SULT4A1: variants seen among roughly 807,000 people sequenced by gnomAD.
SULT4A1 encodes sulfotransferase family 4A member 1, also known as sulfotransferase 4A1.
Under a neutral mutation model 35.2 loss-of-function variants are expected in SULT4A1, and 11 were observed. The observed-to-expected ratio is 0.31, with a 90% CI of 0.20 to 0.52. The LOEUF (loss-of-function observed/expected upper bound fraction) is 0.52. Ranked by LOEUF, SULT4A1 falls within the 20% of genes least tolerant of loss-of-function variation. The probability of loss-of-function intolerance (pLI) is 0.97; values close to 1 mark genes in which losing one functional copy is unlikely to be tolerated. For missense variants in SULT4A1, 271 were observed against 383.7 expected, an observed-to-expected ratio of 0.71 and a Z score of 2.45; for synonymous variants, 152 against 151.8, an observed-to-expected ratio of 1.00 and a Z score of -0.01.
intron 1 of SULT4A1, among the ~76,000 whole-genome samples, chr22:43,857,902 T>C (rs900933256): frequency 6.6e-6 from 1 of 151,094 alleles, no homozygotes; most frequent in Non-Finnish European, 1.5e-5. Context: ...TACAAAAAAT[T>C]AGCCAGGTGT....
Position 43,831,837 on chromosome 22 carries a change from G to A in SULT4A1, c.603+1803C>T, listed in dbSNP as rs901621158. On this transcript the variant is annotated intron_variant, in intron 5 of 6. Coordinates refer to ENST00000330884, the MANE Select transcript of SULT4A1 (RefSeq NM_014351.4). ...TGGAATGTTCTGGATCTGGAAGGTG[G>A]CTGCCCAGATGTGACAGGTAAAAGG... Among the ~76,000 whole-genome samples the A allele has an allele frequency of 2.0e-5, 3 of 152,366 alleles. No individual in the cohort carries two copies. The East Asian group carries it at 5.8e-4, about 29-fold the overall frequency.
In SULT4A1 at chr22:43,862,362, C is replaced by G; in HGVS notation, c.21G>C (p.Glu7Asp). 8 of 1,442,096 alleles carry G rather than the reference C, an allele frequency of 5.5e-6. No individual in the cohort carries two copies. The highest frequency in any genetic ancestry group is 7.4e-6 in the Non-Finnish European group (8 of 1,082,550). 89.3% of individuals were successfully genotyped at this position (1,442,096 alleles called of 1,614,324 possible). The change falls in exon 1 of 7, where the codon GAG (glutamate) becomes GAC (aspartate). Residue 7 changes from glutamate (E) to aspartate (D), a missense_variant. Physicochemically the swap from Glu to Asp is conservative, Grantham distance 45. This residue lies in a region of SULT4A1 where 164 missense variants were observed against 254.1 expected (regional missense o/e 0.65). Transcript: ENST00000330884. ...CGAACTCCCCCGGGGTGCTGGGGGT[C>G]TCGGCCTCGCTCTCCGCCATGCCGC... is the stretch of plus-strand genomic sequence containing the variant. MAESEAETPSTPGEFES... is the reference protein window; with the variant it reads MAESEADTPSTPGEFES...
At chr22:43,845,190 GCTC>G (rs745697100) in intron 1 of SULT4A1, among the ~76,000 whole-genome samples, 4 of 152,222 alleles carry the variant, frequency 2.6e-5, no homozygotes, top group Admixed American at 1.3e-4. Context: ...TCTGCCACTG[GCTC>G]CTCATCTCCC....
rs189308326 is a variant in SULT4A1, at chr22:43,826,610, G to A, written c.743-497C>T. 389 of 985,268 alleles carry A rather than the reference G, an allele frequency of 3.9e-4. 1 individual carries two copies. The African/African-American group carries it at 5.9e-3, about 15-fold the overall frequency. 61.0% of individuals were successfully genotyped at this position (985,268 alleles called of 1,614,324 possible). On this transcript the variant is annotated intron_variant, in intron 6 of 6. Coordinates refer to ENST00000330884, the MANE Select transcript of SULT4A1 (RefSeq NM_014351.4). ...GTGCCACCAAGGCGTCATTGGCTTC[G>A]GGAGAATTTGAAAAGGAAAAAAAAA...
At chr22:43,837,182 G>C (rs1358323117) in intron 4 of SULT4A1, among the ~76,000 whole-genome samples, 1 of 152,248 alleles carries the variant, frequency 6.6e-6, no homozygotes, top group African/African-American at 2.4e-5. Flanking sequence ...TGCTCACTGA[G>C]TGACAATGAA....
chr22:43,854,337 A>G (rs2049377634), intron 1 of SULT4A1, among the ~76,000 whole-genome samples: 1 of 152,188 alleles, frequency 6.6e-6, no homozygotes, highest in Non-Finnish European at 1.5e-5. Context: ...CTAGGCTGCT[A>G]GTCCCAGGAA....
chr22:43,826,143 C>T (rs1339671267), intron 6 of SULT4A1, 30 bp from the exon 7 acceptor site: 1 of 1,611,578 alleles, frequency 6.2e-7, no homozygotes, highest in Non-Finnish European at 8.5e-7. Context: ...ACTGCTGGGG[C>T]CACTTGCTGT....
At chr22:43,832,586 A>AC (rs1032463973) in intron 5 of SULT4A1, among the ~76,000 whole-genome samples, 1 of 151,074 alleles carries the variant, frequency 6.6e-6, no homozygotes, top group African/African-American at 2.4e-5. Context: ...CAGTGCACAC[A>AC]CCCCCACCCC....
intron 1 of SULT4A1, among the ~76,000 whole-genome samples, chr22:43,860,552 C>T (rs565374836): frequency 6.6e-6 from 1 of 152,262 alleles, no homozygotes; most frequent in East Asian, 1.9e-4. Flanking sequence ...TGCCCAGGGT[C>T]ACTCTGCTGG....
chr22:43,835,878 G>A (rs1266784280), intron 4 of SULT4A1, among the ~76,000 whole-genome samples: 2 of 152,178 alleles, frequency 1.3e-5, no homozygotes, highest in Admixed American at 6.5e-5. Flanking sequence ...GCAAGTGCAC[G>A]GAGTCCCCAC....
intron 4 of SULT4A1, among the ~76,000 whole-genome samples, chr22:43,834,376 A>T (rs571856063): frequency 0.077 from 2,297 of 29,660 alleles, 28 homozygotes; most frequent in African/African-American, 0.13. Flanking sequence ...CGCGGCCCTG[A>T]GCTTCCCGCG....
intron 1 of SULT4A1, among the ~76,000 whole-genome samples, chr22:43,850,271 T>A (rs1401370513): frequency 2.7e-4 from 41 of 152,248 alleles, no homozygotes; most frequent in Admixed American, 2.7e-3. Context: ...GATGGGCTAA[T>A]GATTTTCGAC....
At chr22:43,843,597 C>T (rs2063450761) in intron 1 of SULT4A1, among the ~76,000 whole-genome samples, 1 of 152,240 alleles carries the variant, frequency 6.6e-6, no homozygotes, top group African/African-American at 2.4e-5. Context: ...TACATGCTTC[C>T]ACCATGCCTA....
chr22:43,839,723 T>C (rs568972345), intron 3 of SULT4A1, among the ~76,000 whole-genome samples: 6 of 152,222 alleles, frequency 3.9e-5, no homozygotes, highest in Admixed American at 3.9e-4. Context: ...ACAGCCATGT[T>C]TGACTGTGAG....
chr22:43,833,185 C>T (rs1022561778), intron 5 of SULT4A1, among the ~76,000 whole-genome samples: 1 of 152,058 alleles, frequency 6.6e-6, no homozygotes, highest in East Asian at 1.9e-4. Flanking sequence ...AGACCTTGTC[C>T]CATTAGTTCT....
intron 3 of SULT4A1, 130 bp downstream of exon 3, chr22:43,839,815 G>A (rs554599696): frequency 5.2e-5 from 43 of 834,258 alleles, no homozygotes; most frequent in East Asian, 5.0e-4. Context: ...GGATCTTCAC[G>A]TGTGGGCTCC....
At chr22:43,851,696 C>T (rs896968867) in intron 1 of SULT4A1, among the ~76,000 whole-genome samples, 2 of 152,212 alleles carry the variant, frequency 1.3e-5, no homozygotes, top group African/African-American at 2.4e-5. Flanking sequence ...TCCAAGTGTG[C>T]AGCCTGTGGG....
chr22:43,827,044 T>G, intron 6 of SULT4A1: 1 of 985,330 alleles, frequency 1.0e-6, no homozygotes. Context: ...AAATCTTAGG[T>G]TGGTCTAGTC....
intron 6 of SULT4A1, chr22:43,826,521 A>G: frequency 1.0e-6 from 1 of 985,372 alleles, no homozygotes; most frequent in Non-Finnish European, 1.2e-6. Flanking sequence ...GCGGGAGTGC[A>G]CTGCTCTGGG....
Sources: allele counts gnomAD v4.1 joint callset (sites outside exome capture counted in the v4.1 genomes callset), GRCh38; gene constraint gnomAD v4.1.1; regional missense constraint gnomAD v4.1.1; transcripts MANE v1.5; gene names NCBI Gene and HGNC (gene_info 2026-07-23, HGNC 2026-07-21).